The following BSPH1 variants were observed in gnomAD, a reference collection of about 807,000 sequenced individuals.
BSPH1 encodes binder of sperm 1.
In BSPH1, 21 loss-of-function variants were observed where a neutral mutation model predicts 22.5. That is an observed-to-expected ratio of 0.93 (90% CI 0.66 to 1.35). The LOEUF is 1.35. Ranked by LOEUF, BSPH1 falls within the 40% of genes most tolerant of loss-of-function variation. BSPH1 has a pLI of 0.00. For synonymous variants in BSPH1, 42 were observed against 53.6 expected (o/e 0.78, Z 0.95); for missense variants, 141 against 154.2 (o/e 0.91, Z 0.45).
At chr19:47,979,628 T>C (rs200677593) in intron 2 of BSPH1, 29 bp from the exon 3 acceptor site, 2 of 1,080,508 alleles carry the variant, frequency 1.9e-6, no homozygotes. Context: ...AGCTGACATT[T>C]ATTTCACTAT....
intron 5 of BSPH1, among the ~76,000 whole-genome samples, chr19:47,972,400 T>C (rs1404350402): frequency 1.3e-5 from 2 of 151,632 alleles, no homozygotes; most frequent in Non-Finnish European, 1.5e-5. Flanking sequence ...ATAATAAACA[T>C]AGTGCTTTAT....
At chr19:47,990,303 A>G (rs4802418) in intron 1 of BSPH1, among the ~76,000 whole-genome samples, 106,613 of 151,880 alleles carry the variant, frequency 0.7, 37,941 homozygotes, top group African/African-American at 0.81. Flanking sequence ...GCATTATTAA[A>G]AGAAATGCTT....
rs1156524078 is a variant in BSPH1 at position 47,986,878 on chromosome 19, TC to T, written c.73+5130del. ...GGCCAAAATGCCAGGGTTGGTTCCT[TC>T]TTAGGAGCTCAGAGGCAGAAACTAT... On this transcript the variant is annotated intron_variant, in intron 1 of 5. Transcript: ENST00000344839. Among the ~76,000 whole-genome samples, 7 of 152,224 alleles carry T rather than the reference TC, an allele frequency of 4.6e-5. 1 individual carries two copies. Among genetic ancestry groups the T allele is most frequent in the Admixed American group, 3.3e-4 (5 of 15,282 alleles).
At chr19:47,979,151 CTCT>C (rs1178188071) in intron 3 of BSPH1, among the ~76,000 whole-genome samples, 4 of 151,730 alleles carry the variant, frequency 2.6e-5, no homozygotes, top group Non-Finnish European at 4.4e-5. Flanking sequence ...CTTCTTCTTC[CTCT>C]TCTTCTTCCT....
In BSPH1 at chr19:47,990,118, CAAAAAAAAAAAA is replaced by C. The variant is rs11329791; in HGVS notation, c.73+1879_73+1890del. Among the ~76,000 whole-genome samples, 14 of 99,686 alleles carry C rather than the reference CAAAAAAAAAAAA, an allele frequency of 1.4e-4. No homozygotes were observed. The East Asian group carries it at 5.1e-3, about 37-fold the overall frequency. 65.4% of individuals were successfully genotyped at this position (99,686 alleles called of 152,430 possible). ...TGGGTGACAGAGCAAGACTCCATCT[CAAAAAAAAAAAA>C]AAAAAAAAAAAGAGACAATAAGTCC... On this transcript the variant is annotated intron_variant, in intron 1 of 5. Coordinates refer to ENST00000344839, the MANE Select transcript of BSPH1 (RefSeq NM_001128326.2).
At chr19:47,969,479 T>C (rs181469541) in intron 5 of BSPH1, among the ~76,000 whole-genome samples, 3 of 152,258 alleles carry the variant, frequency 2.0e-5, no homozygotes, top group Admixed American at 1.3e-4. Context: ...ATTCAAGTCA[T>C]GAGGCTTTAT....
chr19:47,979,467 GAAA>G, intron 3 of BSPH1, 100 bp downstream of exon 3: 1 of 622,566 alleles, frequency 1.6e-6, no homozygotes, highest in South Asian at 2.1e-5. Flanking sequence ...TATATAAGGA[GAAA>G]AAATGATTTT....
chr19:47,978,396 G>A (rs922188676), intron 3 of BSPH1, among the ~76,000 whole-genome samples: 9 of 152,138 alleles, frequency 5.9e-5, no homozygotes, highest in South Asian at 2.1e-4. Flanking sequence ...GAGCCACTGA[G>A]TCCGGCCTTA....
intron 1 of BSPH1, among the ~76,000 whole-genome samples, chr19:47,989,157 T>TATTA (rs1417772448): frequency 1.5e-5 from 2 of 135,554 alleles, no homozygotes; most frequent in Non-Finnish European, 3.1e-5. Context: ...TTATTATTAT[T>TATTA]ATTTTGAGAT....
chr19:47,969,429 C>T lies in BSPH1; in HGVS notation c.*3-1220G>A, dbSNP rs191814657. 3.5e-3 allele frequency among the ~76,000 whole-genome samples: 539 copies of T among 152,148 alleles called. 2 individuals carry two copies. The highest frequency in any genetic ancestry group is 4.8e-3 in the Non-Finnish European group (324 of 68,016). On this transcript the variant is annotated intron_variant, in intron 5 of 5. Transcript: ENST00000344839. ...TTGGGGTTTAGGAGATAACTCAGGA[C>T]TGGAAATAGAAATTTGTGTGTCAAT...
At chr19:47,989,461 C>T (rs1969502813) in intron 1 of BSPH1, among the ~76,000 whole-genome samples, 2 of 151,644 alleles carry the variant, frequency 1.3e-5, no homozygotes, top group South Asian at 4.2e-4. Flanking sequence ...GCTTCTAAAA[C>T]ACCAAAATGT....
At chr19:47,985,205 C>G (rs1161469225) in intron 1 of BSPH1, among the ~76,000 whole-genome samples, 1 of 152,086 alleles carries the variant, frequency 6.6e-6, no homozygotes, top group Non-Finnish European at 1.5e-5. Context: ...ACATGTACCT[C>G]CTGCATCTAA....
Position 47,978,279 on chromosome 19 carries a change from A to T in BSPH1, c.125-775T>A, listed in dbSNP as rs555182591. On this transcript the variant is annotated intron_variant, in intron 3 of 5. Transcript: ENST00000344839. ...GCTACCATGCCCAGTTAATTTTTAA[A>T]TTTTTTGTAGAGATGAGATCTCACT... Among the ~76,000 whole-genome samples the T allele has an allele frequency of 4.6e-5, 7 of 151,852 alleles. No homozygotes were observed. The South Asian group carries it at 1.5e-3, about 32-fold the overall frequency.
intron 5 of BSPH1, among the ~76,000 whole-genome samples, chr19:47,972,847 A>C (rs1388731939): frequency 1.3e-5 from 2 of 151,306 alleles, no homozygotes; most frequent in Non-Finnish European, 3.0e-5. Context: ...GTGTATACCC[A>C]CACACACATC....
chr19:47,974,917 C>T (rs1969347429), intron 5 of BSPH1, among the ~76,000 whole-genome samples: 1 of 152,092 alleles, frequency 6.6e-6, no homozygotes, highest in Non-Finnish European at 1.5e-5. Context: ...ACACACCTAC[C>T]CCACTATACC....
At chr19:47,987,000 G>A (rs561888873) in intron 1 of BSPH1, among the ~76,000 whole-genome samples, 6 of 152,130 alleles carry the variant, frequency 3.9e-5, no homozygotes, top group Admixed American at 6.5e-5. Context: ...GTGACTATGC[G>A]TGCTTGTCTT....
chr19:47,969,738 ATGTG>A (rs891475711), intron 5 of BSPH1, among the ~76,000 whole-genome samples: 1 of 98,792 alleles, frequency 1.0e-5, no homozygotes, highest in East Asian at 2.9e-4. Flanking sequence ...TTTAGAATGT[ATGTG>A]TGTGTGTGAG....
chr19:47,983,841 A>T (rs999508038), intron 1 of BSPH1, among the ~76,000 whole-genome samples: 33 of 148,088 alleles, frequency 2.2e-4, no homozygotes, highest in African/African-American at 6.5e-4. Flanking sequence ...TTGAAGAGAA[A>T]TTTTTTTTTT....
Position 47,973,106 on chromosome 19 carries a change from T to A in BSPH1, c.*2+3604A>T, listed in dbSNP as rs894908061. 5.0e-4 allele frequency among the ~76,000 whole-genome samples: 75 copies of A among 151,118 alleles called. 4 individuals are homozygous for A. Among genetic ancestry groups the A allele is most frequent in the East Asian group, 1.9e-4 (1 of 5,158 alleles). On this transcript the variant is annotated intron_variant, in intron 5 of 5. Coordinates refer to ENST00000344839, the MANE Select transcript of BSPH1 (RefSeq NM_001128326.2). The stretch of plus-strand genomic sequence containing the variant: ...GTGGCGGGCGCCTGTAGTCCCAGCT[T>A]CTCGGGAGGCTGAGGCAGGAGAATG...
Sources: gnomAD v4.1 joint callset for allele counts (sites outside exome capture counted in the v4.1 genomes callset) on GRCh38, gnomAD v4.1.1 for gene constraint, MANE v1.5 for transcripts, NCBI Gene and HGNC (gene_info 2026-07-23, HGNC 2026-07-21) for gene names.